Variants in SMIM36 observed in about 807,000 individuals in gnomAD.
SMIM36 encodes the protein small integral membrane protein 36.
At chr17:55,524,127 T>A in the SMIM36 span, among the ~76,000 whole-genome samples, 3 of 152,294 alleles carry the variant, frequency 2.0e-5, no homozygotes, top group East Asian at 5.8e-4. Context: ...TTTGCGTCTA[T>A]AAATTCTCAT....
At chr17:55,507,779 G>A (rs983338991) in intron 1 of SMIM36, among the ~76,000 whole-genome samples, 4 of 151,594 alleles carry the variant, frequency 2.6e-5, no homozygotes, top group Admixed American at 2.6e-4. Context: ...CTGGCTTTGC[G>A]CATGCGCACT....
chr17:55,458,921 G>A (rs1909084384), intron 4 of SMIM36, among the ~76,000 whole-genome samples: 2 of 152,200 alleles, frequency 1.3e-5, no homozygotes, highest in Non-Finnish European at 2.9e-5. Flanking sequence ...AAACCCCGGG[G>A]TACAGAAATC....
intron 4 of SMIM36, among the ~76,000 whole-genome samples, chr17:55,452,792 T>C (rs886500190): frequency 6.6e-6 from 1 of 152,252 alleles, no homozygotes; most frequent in African/African-American, 2.4e-5. Flanking sequence ...TCCTCCTCTG[T>C]AAATTGTGTC....
rs1300295156 is a variant in SMIM36, at chr17:55,503,031, A to T, written c.*174+7848T>A. Among the ~76,000 whole-genome samples, 5 of 149,050 alleles carry T rather than the reference A, an allele frequency of 3.4e-5. No individual in the cohort carries two copies. In the East Asian group the frequency reaches 9.8e-4, roughly 29 times the overall value. ...AGAAGGGAAGTTTAGAGAAAAAAGAATAAAAAGAAATGAGCAAAGCCTCCA... is the reference window on the plus strand; with the variant it reads ...AGAAGGGAAGTTTAGAGAAAAAAGATTAAAAAGAAATGAGCAAAGCCTCCA... On this transcript the variant is annotated intron_variant, in intron 1 of 4. Coordinates refer to ENST00000636752, the Ensembl canonical transcript of SMIM36.
the SMIM36 span, among the ~76,000 whole-genome samples, chr17:55,520,352 A>G: frequency 2.0e-5 from 3 of 152,194 alleles, no homozygotes; most frequent in Non-Finnish European, 4.4e-5. Flanking sequence ...CTAACCACCA[A>G]TCTTAGCAAC....
chr17:55,462,877 G>A (rs983110649), intron 4 of SMIM36, among the ~76,000 whole-genome samples: 8 of 152,104 alleles, frequency 5.3e-5, no homozygotes, highest in African/African-American at 1.7e-4. Context: ...GCCAATTACT[G>A]TGTCTGAGGA....
Position 55,451,283 on chromosome 17 carries a change from A to G in SMIM36, c.*532-985T>C, listed in dbSNP as rs554926421. ...CAATACTCGCACCTTCTCCAACCTCATTTTCTACCAGTGTCTCCATCCATC... is the reference window on the plus strand; with the variant it reads ...CAATACTCGCACCTTCTCCAACCTCGTTTTCTACCAGTGTCTCCATCCATC... On this transcript the variant is annotated intron_variant, in intron 4 of 4. Coordinates refer to ENST00000636752, the Ensembl canonical transcript of SMIM36. Among the ~76,000 whole-genome samples the G allele has an allele frequency of 3.9e-5, 6 of 151,918 alleles. 1 individual carries two copies. The South Asian group carries it at 1.2e-3, about 32-fold the overall frequency.
At chr17:55,517,330 C>A in the SMIM36 span, among the ~76,000 whole-genome samples, 1 of 152,172 alleles carries the variant, frequency 6.6e-6, no homozygotes, top group East Asian at 1.9e-4. Context: ...GAGGGTGGAT[C>A]ATCTGAGGTC....
intron 4 of SMIM36, among the ~76,000 whole-genome samples, chr17:55,454,840 T>C (rs1406975136): frequency 1.3e-5 from 2 of 152,246 alleles, no homozygotes; most frequent in African/African-American, 2.4e-5. Flanking sequence ...TATTTTCCCA[T>C]GCCAGTGACT....
intron 4 of SMIM36, among the ~76,000 whole-genome samples, chr17:55,451,479 C>A (rs1303629459): frequency 2.0e-5 from 3 of 152,178 alleles, no homozygotes; most frequent in Non-Finnish European, 4.4e-5. Context: ...TCACATAGCT[C>A]CCCACAGAGG....
chr17:55,473,505 G>A (rs1266420537), intron 3 of SMIM36, among the ~76,000 whole-genome samples: 10 of 152,118 alleles, frequency 6.6e-5, no homozygotes, highest in Admixed American at 3.9e-4. Context: ...ACAGTGGTCC[G>A]GCCTTTATTA....
At chr17:55,523,215 G>A in the SMIM36 span, among the ~76,000 whole-genome samples, 1 of 152,120 alleles carries the variant, frequency 6.6e-6, no homozygotes, top group East Asian at 1.9e-4. Context: ...GGAGACAGCA[G>A]GGATGTGCAT....
intron 1 of SMIM36, among the ~76,000 whole-genome samples, chr17:55,501,088 C>T (rs908950765): frequency 0.015 from 2 of 130 alleles, no homozygotes; most frequent in African/African-American, 0.021. Flanking sequence ...ATATAATATA[C>T]TATTATATTT....
At chr17:55,473,814 T>C (rs1445515289) in intron 3 of SMIM36, among the ~76,000 whole-genome samples, 1 of 152,138 alleles carries the variant, frequency 6.6e-6, no homozygotes, top group Non-Finnish European at 1.5e-5. Context: ...ACCCCTCATA[T>C]TGTCTTATGC....
At chr17:55,528,182 A>C in the SMIM36 span, 1 of 152,162 alleles carries the variant, frequency 6.6e-6, no homozygotes, top group East Asian at 1.9e-4. Flanking sequence ...GTGTTATCTC[A>C]TTGTTCTCCA....
chr17:55,463,478 G>A (rs1470173138), intron 4 of SMIM36, among the ~76,000 whole-genome samples: 1 of 152,204 alleles, frequency 6.6e-6, no homozygotes, highest in Non-Finnish European at 1.5e-5. Context: ...CTGGACCCCA[G>A]GAGTTTGAGG....
intron 4 of SMIM36, among the ~76,000 whole-genome samples, chr17:55,459,311 CAG>C (rs2143236243): frequency 6.6e-6 from 1 of 152,276 alleles, no homozygotes; most frequent in South Asian, 2.1e-4. Context: ...GTCATCTCTC[CAG>C]AGAGTCATTG....
intron 4 of SMIM36, among the ~76,000 whole-genome samples, chr17:55,466,925 G>C (rs1401182102): frequency 6.6e-6 from 1 of 152,282 alleles, no homozygotes; most frequent in East Asian, 1.9e-4. Context: ...AAGTTAATTA[G>C]TTGCAATTAC....
At chr17:55,470,030 C>T (rs768299105) in intron 3 of SMIM36, among the ~76,000 whole-genome samples, 27 of 152,234 alleles carry the variant, frequency 1.8e-4, no homozygotes, top group South Asian at 1.2e-3. Flanking sequence ...TAAACTGCAG[C>T]GGCCAGGCGT....
Sources: gnomAD v4.1 joint callset for allele counts (sites outside exome capture counted in the v4.1 genomes callset) on GRCh38, gnomAD v4.1.1 for gene constraint, MANE v1.5 for transcripts, NCBI Gene and HGNC (gene_info 2026-07-23, HGNC 2026-07-21) for gene names.